The following CMIP variants were observed in gnomAD, a reference collection of about 807,000 sequenced individuals.
CMIP encodes the protein c-Maf inducing protein, also known as C-Maf-inducing protein.
A neutral mutation model predicts 97.3 loss-of-function variants in CMIP; 13 were observed. The ratio of observed to expected loss-of-function variants is 0.13; its 90% confidence interval spans 0.09 to 0.21. The LOEUF is 0.21. Ranked by LOEUF, CMIP falls within the 10% of genes least tolerant of loss-of-function variation. CMIP has a pLI of 1.00. For missense variants in CMIP, 847 were observed against 1,024.9 expected (o/e 0.83, Z 2.37); for synonymous variants, 538 against 436.3 (o/e 1.23, Z -2.91).
At chr16:81,497,004 G>A (rs943106641) in intron 1 of CMIP, among the ~76,000 whole-genome samples, 1 of 152,236 alleles carries the variant, frequency 6.6e-6, no homozygotes, top group African/African-American at 2.4e-5. Context: ...TTGCACAGAT[G>A]CCCTGATGCT....
At chr16:81,666,876 G>C (rs539793107) in intron 7 of CMIP, 5 of 152,244 alleles carry the variant, frequency 3.3e-5, no homozygotes, top group African/African-American at 9.6e-5. Flanking sequence ...GGGCGAGAGA[G>C]AGCTTTGACA....
intron 1 of CMIP, among the ~76,000 whole-genome samples, chr16:81,561,593 C>T (rs986607742): frequency 1.3e-5 from 2 of 152,154 alleles, no homozygotes; most frequent in Non-Finnish European, 2.9e-5. Context: ...CCAGCAATTA[C>T]AGAGGGCCTC....
intron 1 of CMIP, among the ~76,000 whole-genome samples, chr16:81,563,060 C>T (rs1294833819): frequency 6.6e-6 from 1 of 152,188 alleles, no homozygotes; most frequent in African/African-American, 2.4e-5. Flanking sequence ...CCTGGCAAGG[C>T]GCTGACCCGC....
Position 81,701,477 on chromosome 16 carries a change from C to G in CMIP, c.1756-183C>G, listed in dbSNP as rs74766334. On this transcript the variant is annotated intron_variant, in intron 15 of 20. Transcript: ENST00000537098. ...CCTGGAGAACCTCAGTGCGTGGTCACTGGTGCTACCATTGTACAAGCAGGA... is the reference window on the plus strand; with the variant it reads ...CCTGGAGAACCTCAGTGCGTGGTCAGTGGTGCTACCATTGTACAAGCAGGA... 6.7e-3 allele frequency among the ~76,000 whole-genome samples: 1,026 copies of G among 152,334 alleles called. 18 individuals are homozygous for G. Among genetic ancestry groups the G allele is most frequent in the African/African-American group, 0.023 (975 of 41,574 alleles).
At position 81,657,846 on chromosome 16, in the gene CMIP, C is replaced by G. The variant is rs181757319; in HGVS notation, c.681+30C>G. ...GTTCCTCTCGAACACGCTCCCTCCA[C>G]CCACCTCCGCCTCCTGGAGCCTACA... On this transcript the variant is annotated intron_variant, in intron 5 of 20. Transcript: ENST00000537098. 191 of 1,572,354 alleles carry G rather than the reference C, an allele frequency of 1.2e-4. No homozygotes were observed. In the African/African-American group the frequency reaches 2.5e-3, roughly 20 times the overall value.
At chr16:81,661,498 T>C (rs1567641941) in intron 6 of CMIP, among the ~76,000 whole-genome samples, 1 of 152,360 alleles carries the variant, frequency 6.6e-6, no homozygotes, top group East Asian at 1.9e-4. Flanking sequence ...GTGTGGTTTT[T>C]TTAGTGTAAT....
At position 81,447,717 on chromosome 16, in the gene CMIP, G is replaced by A. The variant is rs532837288; in HGVS notation, c.300+2176G>A. 3.3e-5 allele frequency among the ~76,000 whole-genome samples: 5 copies of A among 152,342 alleles called. No individual in the cohort carries two copies. In the East Asian group the frequency reaches 5.8e-4, roughly 18 times the overall value. On this transcript the variant is annotated intron_variant, in intron 1 of 20. Transcript: ENST00000537098. ...CATAATCCCCTTTCCGCTGCCTTTC[G>A]TCACCAAGCACTACAGGCAGGGGGT...
chr16:81,476,565 GC>G, intron 1 of CMIP: 1 of 557,348 alleles, frequency 1.8e-6, no homozygotes, highest in Middle Eastern at 3.1e-4. Context: ...CTGCAGAGTG[GC>G]CATGTTTCCT....
chr16:81,512,187 C>G (rs968027500), intron 1 of CMIP, among the ~76,000 whole-genome samples: 1 of 152,168 alleles, frequency 6.6e-6, no homozygotes, highest in East Asian at 1.9e-4. Context: ...TTGGAGAGCA[C>G]TGATCTAGAG....
chr16:81,587,654 ATCTCAGCCG>A (rs2091404297), intron 1 of CMIP, among the ~76,000 whole-genome samples: 2 of 152,164 alleles, frequency 1.3e-5, no homozygotes. Flanking sequence ...TGGAGTGGGA[ATCTCAGCCG>A]TCTCTGCTCC....
At position 81,475,715 on chromosome 16, in the gene CMIP, G is replaced by C. The variant is rs114652814; in HGVS notation, c.300+30174G>C. 4.1e-3 allele frequency among the ~76,000 whole-genome samples: 619 copies of C among 152,294 alleles called. 2 individuals carry two copies. Among genetic ancestry groups the C allele is most frequent in the African/African-American group, 0.013 (558 of 41,560 alleles). On this transcript the variant is annotated intron_variant, in intron 1 of 20. Coordinates refer to ENST00000537098, the MANE Select transcript of CMIP (RefSeq NM_198390.3). ...GATAAAACACAAGTTGCTGGGTGTG[G>C]TGGCTCACTGCCGTAATCCCAGCAC...
At chr16:81,472,496 AT>A (rs1281084776) in intron 1 of CMIP, among the ~76,000 whole-genome samples, 1 of 152,138 alleles carries the variant, frequency 6.6e-6, no homozygotes, top group Non-Finnish European at 1.5e-5. Context: ...GTAGGCACTG[AT>A]CACAGCCACT....
At position 81,621,869 on chromosome 16, in the gene CMIP, A is replaced by G. The variant is rs991226431; in HGVS notation, c.477+943A>G. On this transcript the variant is annotated intron_variant, in intron 3 of 20. Transcript: ENST00000537098. This position sits in a 1 kb window ranked among gnomAD's most constrained non-coding sequence, Gnocchi z 4.1. ...GTTGGGGGCAGAAAGGCAACCCCAG[A>G]TAATTACTTTCCTGGTCCCAGAGAG... The G allele has an allele frequency of 6.6e-6, 1 of 152,274 alleles. No homozygotes were observed. The highest frequency in any genetic ancestry group is 1.5e-5 in the Non-Finnish European group (1 of 68,068). The allele number at this position is 152,274 out of a possible 1,614,324, so 9.4% of individuals were successfully genotyped here. A position where few individuals can be genotyped will look rare whatever the true frequency, so the allele number is the denominator to read the frequency against.
intron 1 of CMIP, among the ~76,000 whole-genome samples, chr16:81,529,290 G>A (rs1485055661): frequency 1.3e-5 from 2 of 152,062 alleles, no homozygotes; most frequent in Non-Finnish European, 2.9e-5. Context: ...AGAGATTGGG[G>A]GCACATGGTT....
chr16:81,511,670 C>T (rs1279120933), intron 1 of CMIP, among the ~76,000 whole-genome samples: 1 of 147,110 alleles, frequency 6.8e-6, no homozygotes, highest in African/African-American at 2.4e-5. Flanking sequence ...AGATGATCCT[C>T]CCACCTCAGC....
In CMIP at chr16:81,710,495, T is replaced by C. The variant is rs1002276957; in HGVS notation, c.*696T>C. ...GTCAGCTGTCGGGTTAGTGGTAGTA[T>C]TATTGTTATTTTTTTAAAGGAAACA... On this transcript the variant is annotated 3_prime_UTR_variant, in exon 21 of 21. Transcript: ENST00000537098. 6.8e-6 allele frequency: 1 copy of C among 147,316 alleles called. No homozygotes were observed. The highest frequency in any genetic ancestry group is 1.5e-5 in the Non-Finnish European group (1 of 67,310). The allele number at this position is 147,316 out of a possible 1,614,324, so 9.1% of individuals were successfully genotyped here.
intron 1 of CMIP, among the ~76,000 whole-genome samples, chr16:81,538,031 C>CAGAAA (rs1379734593): frequency 6.6e-6 from 1 of 152,260 alleles, no homozygotes; most frequent in Non-Finnish European, 1.5e-5. Flanking sequence ...GCTTGCCCTG[C>CAGAAA]AGAAGACATT....
At chr16:81,635,758 G>A (rs892078934) in intron 3 of CMIP, among the ~76,000 whole-genome samples, 4 of 152,168 alleles carry the variant, frequency 2.6e-5, no homozygotes, top group African/African-American at 9.7e-5. Flanking sequence ...AGTTTTCAGG[G>A]TGGCGGGGAC....
At chr16:81,687,893 C>T (rs567800911) in intron 10 of CMIP, among the ~76,000 whole-genome samples, 1 of 152,342 alleles carries the variant, frequency 6.6e-6, no homozygotes, top group East Asian at 1.9e-4. Flanking sequence ...TGTATCACAG[C>T]CCTGTGGTCA....
Sources: gnomAD v4.1 joint callset for allele counts (sites outside exome capture counted in the v4.1 genomes callset) on GRCh38, gnomAD v4.1.1 for gene constraint, Gnocchi (gnomAD v3.1) non-coding constraint, MANE v1.5 for transcripts, NCBI Gene and HGNC (gene_info 2026-07-23, HGNC 2026-07-21) for gene names.